The following CACNB3 variants were observed in gnomAD, a reference collection of about 807,000 sequenced individuals.
CACNB3 encodes the protein calcium voltage-gated channel auxiliary subunit beta 3.
In CACNB3, 36 loss-of-function variants were observed where a neutral mutation model predicts 63.7. The ratio of observed to expected loss-of-function variants is 0.57; its 90% CI spans 0.43 to 0.75. The LOEUF (loss-of-function observed/expected upper bound fraction) is 0.75, where lower values mean the gene tolerates loss of function less well. Ranked by LOEUF, CACNB3 falls within the 30% of genes least tolerant of loss-of-function variation. The pLI is 0.00. For missense variants in CACNB3, 493 were observed against 648.6 expected (o/e 0.76, Z 2.61); for synonymous variants, 241 against 250.6 (o/e 0.96, Z 0.36).
Position 48,828,165 on chromosome 12 carries a change from C to T in CACNB3, c.*266C>T, listed in dbSNP as rs371088802. On this transcript the variant is annotated 3_prime_UTR_variant, in exon 13 of 13. Coordinates refer to ENST00000301050, the MANE Select transcript of CACNB3 (RefSeq NM_000725.4). ...GCACCCCTGGCACCTTCCTCTCCTC[C>T]CACACAGGAAGCTGCCCCACTGGGC... is the stretch of plus-strand genomic sequence containing the variant. The T allele has an allele frequency of 1.5e-5, 8 of 533,600 alleles. No homozygotes were observed. The highest frequency in any genetic ancestry group is 4.3e-5 in the South Asian group (2 of 46,610). The allele number at this position is 533,600 out of a possible 1,614,324, so 33.1% of individuals were successfully genotyped here.
Position 48,825,961 on chromosome 12 carries a change from C to T in CACNB3, c.742+192C>T, listed in dbSNP as rs540995441. Among the ~76,000 whole-genome samples, 73 of 152,140 alleles carry T rather than the reference C, an allele frequency of 4.8e-4. No homozygotes were observed. The highest frequency in any genetic ancestry group is 6.8e-3 in the Middle Eastern group (2 of 294). ...TTCCCATCTCAGCCTCCTGAGTAGC[C>T]GGGACTACAGGCGCCCATCACCACG... is the stretch of plus-strand genomic sequence containing the variant. On this transcript the variant is annotated intron_variant, in intron 9 of 12. Coordinates refer to ENST00000301050, the MANE Select transcript of CACNB3 (RefSeq NM_000725.4). This position sits in a 1 kb window ranked among gnomAD's most constrained non-coding sequence, Gnocchi z 4.5.
rs1323041160 is a variant in CACNB3, at chr12:48,827,578, C to A, written c.1141-7C>A. ...TGCCTCACTGAGAGCTGTTGTATGG[C>A]CCCCAGAACCAGCAGCTGCTGGGGG... On this transcript the variant is annotated splice_region_variant and splice_polypyrimidine_tract_variant and intron_variant, in intron 12 of 12. Transcript: ENST00000301050. 7 of 1,609,574 alleles carry A rather than the reference C, an allele frequency of 4.3e-6. No homozygotes were observed. In the Admixed American group the frequency reaches 1.0e-4, roughly 23 times the overall value.
chr12:48,815,467 GAC>G (rs1282502279), upstream of CACNB3: 3 of 1,139,408 alleles, frequency 2.6e-6, no homozygotes, highest in African/African-American at 3.1e-5. Flanking sequence ...GCCAGAGACT[GAC>G]AGAGGCGGCG....
intron 4 of CACNB3, 133 bp downstream of exon 4, chr12:48,824,506 C>A: frequency 1.9e-6 from 2 of 1,049,718 alleles, no homozygotes; most frequent in Non-Finnish European, 2.8e-6. Context: ...GCTCTACACA[C>A]TCAACACTAA....
Position 48,818,509 on chromosome 12 carries a change from G to A in CACNB3, c.-421G>A. The A allele has an allele frequency of 6.0e-6, 6 of 1,001,630 alleles. No individual in the cohort carries two copies. Among genetic ancestry groups the A allele is most frequent in the Non-Finnish European group, 7.1e-6 (6 of 841,162 alleles). 62.0% of individuals were successfully genotyped at this position (1,001,630 alleles called of 1,614,324 possible). On this transcript the variant is annotated 5_prime_UTR_variant, in exon 1 of 13. Transcript: ENST00000301050. This position sits in a 1 kb window ranked among gnomAD's most constrained non-coding sequence, Gnocchi z 4.3. ...GCAGCCTCTCCTCCCCTTCCTCCCCGCCGCCACGGCCCCGTAGGTGCTCGG... is the reference window on the plus strand; with the variant it reads ...GCAGCCTCTCCTCCCCTTCCTCCCCACCGCCACGGCCCCGTAGGTGCTCGG...
chr12:48,818,589 C>T lies in CACNB3; in HGVS notation c.-341C>T. On this transcript the variant is annotated 5_prime_UTR_variant, in exon 1 of 13. Coordinates refer to ENST00000301050, the MANE Select transcript of CACNB3 (RefSeq NM_000725.4). This position sits in a 1 kb window ranked among gnomAD's most constrained non-coding sequence, Gnocchi z 4.3. ...TTCCCCTCTCCCGGCCTGGCCCGGGCTCCCCGGTGGCCGCCGCCCCCTCGC... is the reference window on the plus strand; with the variant it reads ...TTCCCCTCTCCCGGCCTGGCCCGGGTTCCCCGGTGGCCGCCGCCCCCTCGC... 1 of 1,089,020 alleles carries T rather than the reference C, an allele frequency of 9.2e-7. No homozygotes were observed. Among genetic ancestry groups the T allele is most frequent in the South Asian group, 3.3e-5 (1 of 30,404 alleles). The allele number at this position is 1,089,020 out of a possible 1,614,324, so 67.5% of individuals were successfully genotyped here. A position where few individuals can be genotyped will look rare whatever the true frequency, so the allele number is the denominator to read the frequency against.
At chr12:48,824,924 A>G (rs373034140) in intron 5 of CACNB3, 25 bp from the exon 6 acceptor site, 126 of 1,612,924 alleles carry the variant, frequency 7.8e-5, no homozygotes, top group Non-Finnish European at 9.4e-5. Flanking sequence ...ACCAACTTTA[A>G]TCTTGTATTT....
At position 48,823,761 on chromosome 12, in the gene CACNB3, T is replaced by C. The variant is rs1481046796; in HGVS notation, c.249T>C (p.Ser83=). Reference sequence around the variant, plus strand: ...ATGAGGAGTGCCCAGTCCAGGGCTCTGGAGTCAACTTTGAGGCCAAAGATT... The same window carrying C: ...ATGAGGAGTGCCCAGTCCAGGGCTCCGGAGTCAACTTTGAGGCCAAAGATT... ...VLDEECPVQG[S]GVNFEAKDFL... Residue 83 remains serine (S), a synonymous_variant, in exon 3 of 13, where the codon TCT becomes TCC. Coordinates refer to ENST00000301050, the MANE Select transcript of CACNB3 (RefSeq NM_000725.4). This position sits in a 1 kb window ranked among gnomAD's most constrained non-coding sequence, Gnocchi z 4.2. 1 of 1,614,158 alleles carries C rather than the reference T, an allele frequency of 6.2e-7. No homozygotes were observed. Among genetic ancestry groups the C allele is most frequent in the East Asian group, 2.2e-5 (1 of 44,878 alleles).
Position 48,818,914 on chromosome 12 carries a change from C to A in CACNB3, c.-16C>A. On this transcript the variant is annotated 5_prime_UTR_variant, in exon 1 of 13. Transcript: ENST00000301050. This position sits in a 1 kb window ranked among gnomAD's most constrained non-coding sequence, Gnocchi z 4.3. ...CCGCCCCCGGCGCCGCTCGCTCCCC[C>A]GACCCGGACTCCCCCATGTATGACG... 6.4e-7 allele frequency: 1 copy of A among 1,570,266 alleles called. No individual in the cohort carries two copies. The highest frequency in any genetic ancestry group is 8.6e-7 in the Non-Finnish European group (1 of 1,158,346).
chr12:48,828,698 G>C lies in CACNB3; in HGVS notation c.*799G>C, dbSNP rs1336284722. On this transcript the variant is annotated 3_prime_UTR_variant, in exon 13 of 13. Coordinates refer to ENST00000301050, the MANE Select transcript of CACNB3 (RefSeq NM_000725.4). ...GCCTCCTTGCCTTTCTCATTCTTTT[G>C]CCCTGCATCCTGTCATTTCTGTTCT... The C allele has an allele frequency of 2.2e-6, 1 of 456,496 alleles. No homozygotes were observed. Among genetic ancestry groups the C allele is most frequent in the South Asian group, 1.5e-5 (1 of 64,564 alleles). 28.3% of individuals were successfully genotyped at this position (456,496 alleles called of 1,614,324 possible). A position where few individuals can be genotyped will look rare whatever the true frequency, so the allele number is the denominator to read the frequency against.
chr12:48,818,631 CG>C lies in CACNB3; in HGVS notation c.-295del. 2.7e-6 allele frequency: 3 copies of C among 1,101,164 alleles called. No individual in the cohort carries two copies. The highest frequency in any genetic ancestry group is 3.3e-6 in the Non-Finnish European group (3 of 914,260). The allele number at this position is 1,101,164 out of a possible 1,614,324, so 68.2% of individuals were successfully genotyped here. On this transcript the variant is annotated 5_prime_UTR_variant, in exon 1 of 13. Transcript: ENST00000301050. The surrounding 1 kb of genome is among the most constrained non-coding windows in gnomAD (Gnocchi z 4.3). ...CCCCCTCGCCGCCCCCGCCTTCTCC[CG>C]GGGAGGGGGTCAGGTGGGCGGGCAC...
chr12:48,825,823 T>G lies in CACNB3; in HGVS notation c.742+54T>G, dbSNP rs775443175. ...GCCCACTCAAGTGCCAGTGAGAACC[T>G]TCCTCCTCCCTTTTCTTTTTTTTGA... On this transcript the variant is annotated intron_variant, in intron 9 of 12. Transcript: ENST00000301050. This position sits in a 1 kb window ranked among gnomAD's most constrained non-coding sequence, Gnocchi z 4.5. 1.6e-6 allele frequency: 2 copies of G among 1,255,364 alleles called. No individual in the cohort carries two copies. Among genetic ancestry groups the G allele is most frequent in the East Asian group, 2.4e-5 (1 of 42,082 alleles). The allele number at this position is 1,255,364 out of a possible 1,614,324, so 77.8% of individuals were successfully genotyped here. A position where few individuals can be genotyped will look rare whatever the true frequency, so the allele number is the denominator to read the frequency against.
In CACNB3 at chr12:48,818,832, C is replaced by G; in HGVS notation, c.-98C>G. 7.1e-7 allele frequency: 1 copy of G among 1,409,250 alleles called. No individual in the cohort carries two copies. The highest frequency in any genetic ancestry group is 9.2e-7 in the Non-Finnish European group (1 of 1,083,934). The allele number at this position is 1,409,250 out of a possible 1,614,324, so 87.3% of individuals were successfully genotyped here. On this transcript the variant is annotated 5_prime_UTR_variant, in exon 1 of 13. Coordinates refer to ENST00000301050, the MANE Select transcript of CACNB3 (RefSeq NM_000725.4). This position sits in a 1 kb window ranked among gnomAD's most constrained non-coding sequence, Gnocchi z 4.3. Reference sequence around the variant, plus strand: ...TGCCGCCGCCCGCAGGGCTGCGGGGCTCGGTGGCATCTCCCGGGCGCGGCC... The same window carrying G: ...TGCCGCCGCCCGCAGGGCTGCGGGGGTCGGTGGCATCTCCCGGGCGCGGCC...
In CACNB3 at chr12:48,826,313, G is replaced by C. The variant is rs1938134860; in HGVS notation, c.743-54G>C. On this transcript the variant is annotated intron_variant, in intron 9 of 12. Transcript: ENST00000301050. The surrounding 1 kb of genome is among the most constrained non-coding windows in gnomAD (Gnocchi z 4.8). The stretch of plus-strand genomic sequence containing the variant: ...ATTCGGGAGCCCTCAAAGCCTGCTG[G>C]AGTGAGCAGTGGGCAGAGCTCCTGG... The C allele has an allele frequency of 2.5e-6, 4 of 1,597,128 alleles. No homozygotes were observed. The highest frequency in any genetic ancestry group is 2.6e-6 in the Non-Finnish European group (3 of 1,165,466).
chr12:48,816,740 G>A (rs974589055), upstream of CACNB3: 12 of 529,248 alleles, frequency 2.3e-5, no homozygotes, highest in South Asian at 5.0e-4. Flanking sequence ...GAGTGCTGCC[G>A]ATGGCAGATC....
At chr12:48,816,791 G>C (rs1942298032), upstream of CACNB3, 7 of 959,756 alleles carry the variant, frequency 7.3e-6, no homozygotes, top group Non-Finnish European at 8.7e-6. Flanking sequence ...TGGGTGGAGA[G>C]AGTCCCAAAA....
chr12:48,815,398 C>T (rs186146891), upstream of CACNB3: 61 of 543,490 alleles, frequency 1.1e-4, no homozygotes, highest in African/African-American at 1.0e-3. Context: ...AAAAACAGAA[C>T]GAGGACCTTA....
intron 1 of CACNB3, among the ~76,000 whole-genome samples, chr12:48,819,266 G>A (rs1214669998): frequency 6.6e-6 from 1 of 152,142 alleles, no homozygotes; most frequent in East Asian, 1.9e-4. Flanking sequence ...AGGGCTGGAG[G>A]CCGAGGGCAC....
chr12:48,823,399 AG>A lies in CACNB3; in HGVS notation c.103del (p.Glu35ArgfsTer10). 1 of 1,614,088 alleles carries A rather than the reference AG, an allele frequency of 6.2e-7. No individual in the cohort carries two copies. Among genetic ancestry groups the A allele is most frequent in the Non-Finnish European group, 8.5e-7 (1 of 1,179,956 alleles). Reference protein sequence around the residue: ...RPSLDSDVSLEEDRESARREV... With the variant: ...RPSLDSDVSLXEDRESARREV... ...TCTCTGGACTCAGACGTCTCCCTGG[AG>A]GAGGACCGGGAGAGTGCCCGGCGTG... On this transcript the variant is annotated frameshift_variant, in exon 2 of 13. Transcript: ENST00000301050. LOFTEE classifies it high-confidence loss of function. The surrounding 1 kb of genome is among the most constrained non-coding windows in gnomAD (Gnocchi z 4.2).
Sources: gnomAD v4.1 joint callset for allele counts (sites outside exome capture counted in the v4.1 genomes callset) on GRCh38, gnomAD v4.1.1 for gene constraint, Gnocchi (gnomAD v3.1) non-coding constraint, MANE v1.5 for transcripts, NCBI Gene and HGNC (gene_info 2026-07-23, HGNC 2026-07-21) for gene names.